Variants in ZNF518A observed in about 807,000 individuals in gnomAD.
The protein encoded by ZNF518A is zinc finger protein 518.
Under a neutral mutation model 102.7 loss-of-function variants are expected in ZNF518A, and 47 were observed. The ratio of observed to expected loss-of-function variants is 0.46; its 90% confidence interval spans 0.36 to 0.58. The LOEUF (loss-of-function observed/expected upper bound fraction) is 0.58, where lower values mean the gene tolerates loss of function less well. Among genes scored for constraint, ZNF518A ranks in the 20% least tolerant of loss-of-function variants. The pLI is 0.00. For missense variants in ZNF518A, 1,793 were observed against 1,699.8 expected (o/e 1.05, Z -0.96); for synonymous variants, 652 against 594.6 (o/e 1.10, Z -1.40).
downstream of ZNF518A, chr10:96,204,522 G>C: frequency 6.2e-7 from 1 of 1,613,484 alleles, no homozygotes; most frequent in Non-Finnish European, 8.5e-7. Flanking sequence ...TTAAAGGAAA[G>C]GATTCTTACT....
At chr10:96,168,309 A>G (rs2083154557), downstream of ZNF518A, among the ~76,000 whole-genome samples, 1 of 151,774 alleles carries the variant, frequency 6.6e-6, no homozygotes, top group Admixed American at 6.6e-5. Context: ...CTGCTCCTTT[A>G]TTTTATTTTT....
At chr10:96,186,611 T>C (rs1554892595) in intron 1 of ZNF518A, among the ~76,000 whole-genome samples, 1 of 152,214 alleles carries the variant, frequency 6.6e-6, no homozygotes, top group African/African-American at 2.4e-5. Context: ...TTGGCCAAGA[T>C]GGTCTTGATC....
chr10:96,144,731 T>A, intron 3 of ZNF518A, among the ~76,000 whole-genome samples: 1 of 152,112 alleles, frequency 6.6e-6, no homozygotes, highest in East Asian at 1.9e-4. Context: ...GTGAACTATT[T>A]CAGAGCAGAT....
At chr10:96,202,322 G>T (rs921182423) in intron 1 of ZNF518A, among the ~76,000 whole-genome samples, 1 of 152,160 alleles carries the variant, frequency 6.6e-6, no homozygotes. Context: ...ACAGCAGAGT[G>T]GGGGAGGCCA....
intron 1 of ZNF518A, among the ~76,000 whole-genome samples, chr10:96,175,974 G>C (rs1180561530): frequency 6.9e-6 from 1 of 145,086 alleles, no homozygotes. Flanking sequence ...TTTAGAGATA[G>C]GTCTTACTCT....
chr10:96,135,774 G>T (rs2081568348), intron 3 of ZNF518A, among the ~76,000 whole-genome samples: 1 of 152,188 alleles, frequency 6.6e-6, no homozygotes, highest in Non-Finnish European at 1.5e-5. Context: ...TCTTGGAAGT[G>T]CTTCTAGTTA....
intron 1 of ZNF518A, among the ~76,000 whole-genome samples, chr10:96,180,581 G>A (rs2133892060): frequency 6.6e-6 from 1 of 151,800 alleles, no homozygotes; most frequent in Admixed American, 6.6e-5. Context: ...ACCTATGAGT[G>A]AGAACATGCG....
intron 3 of ZNF518A, among the ~76,000 whole-genome samples, 175 bp downstream of exon 3, chr10:96,133,823 A>G (rs1463119305): frequency 6.6e-6 from 1 of 152,196 alleles, no homozygotes; most frequent in Non-Finnish European, 1.5e-5. Flanking sequence ...TTTTTTTACA[A>G]AGGCATGAAT....
At position 96,159,419 on chromosome 10, in the gene ZNF518A, A is replaced by T; in HGVS notation, c.3097A>T (p.Ser1033Cys). 1 of 1,613,812 alleles carries T rather than the reference A, an allele frequency of 6.2e-7. No individual in the cohort carries two copies. The highest frequency in any genetic ancestry group is 8.5e-7 in the Non-Finnish European group (1 of 1,179,798). Residue 1033 changes from serine to cysteine, a missense_variant, in exon 6 of 6, where the codon AGT becomes TGT. Transcript: ENST00000316045. ...ACCTGGACTTTGTTCCAGCATTGGC[A>T]GTTGTTTGAGCATGAAAAGTAGCTC... ...LTPGLCSSIGSCLSMKSSSEN... is the reference protein window; with the variant it reads ...LTPGLCSSIGCCLSMKSSSEN...
At chr10:96,198,842 G>A (rs925361959) in intron 1 of ZNF518A, among the ~76,000 whole-genome samples, 2 of 152,182 alleles carry the variant, frequency 1.3e-5, no homozygotes, top group Non-Finnish European at 2.9e-5. Context: ...GGGATTATAG[G>A]CGCCCGCCAT....
At chr10:96,197,291 T>G (rs2083491502) in intron 1 of ZNF518A, among the ~76,000 whole-genome samples, 1 of 152,062 alleles carries the variant, frequency 6.6e-6, no homozygotes, top group South Asian at 2.1e-4. Flanking sequence ...TTGCCTTTTT[T>G]GAAAAAAAGG....
At chr10:96,185,089 G>A (rs894741266) in intron 1 of ZNF518A, among the ~76,000 whole-genome samples, 6 of 151,862 alleles carry the variant, frequency 4.0e-5, no homozygotes, top group African/African-American at 7.3e-5. Context: ...TCCCTTGATC[G>A]AATCAGCTGC....
At chr10:96,143,528 A>G (rs994633831) in intron 3 of ZNF518A, among the ~76,000 whole-genome samples, 2 of 152,182 alleles carry the variant, frequency 1.3e-5, no homozygotes. Context: ...CACAAAACCT[A>G]CCTTTCTGTG....
At chr10:96,139,903 G>C (rs2081828191) in intron 3 of ZNF518A, among the ~76,000 whole-genome samples, 1 of 152,160 alleles carries the variant, frequency 6.6e-6, no homozygotes, top group Admixed American at 6.5e-5. Flanking sequence ...TTGTTGCCCA[G>C]GCTGGAGTGC....
chr10:96,167,131 C>A (rs1291930722), downstream of ZNF518A, among the ~76,000 whole-genome samples: 2 of 152,080 alleles, frequency 1.3e-5, no homozygotes, highest in Non-Finnish European at 2.9e-5. Context: ...TGAGGGATAC[C>A]AAATTTAGGA....
chr10:96,174,897 G>A (rs1318588327), intron 1 of ZNF518A, among the ~76,000 whole-genome samples: 2 of 152,138 alleles, frequency 1.3e-5, no homozygotes, highest in East Asian at 3.8e-4. Flanking sequence ...AGATACTTAA[G>A]TTTAGATGAG....
intron 3 of ZNF518A, among the ~76,000 whole-genome samples, chr10:96,149,277 C>T (rs970005926): frequency 3.3e-5 from 5 of 152,080 alleles, no homozygotes; most frequent in East Asian, 3.9e-4. Flanking sequence ...GCATTGCTGT[C>T]GCCTAGGAGC....
At chr10:96,131,719 A>G (rs2081347385) in intron 1 of ZNF518A, among the ~76,000 whole-genome samples, 1 of 152,228 alleles carries the variant, frequency 6.6e-6, no homozygotes, top group African/African-American at 2.4e-5. Flanking sequence ...ATGAACACCC[A>G]CTGTGTGCAT....
At chr10:96,197,612 TCAAA>T (rs1338062954) in intron 1 of ZNF518A, among the ~76,000 whole-genome samples, 1 of 152,130 alleles carries the variant, frequency 6.6e-6, no homozygotes, top group African/African-American at 2.4e-5. Flanking sequence ...AAAAAATGTA[TCAAA>T]CAAATTCCAT....
Sources: gnomAD v4.1 joint callset for allele counts (sites outside exome capture counted in the v4.1 genomes callset) on GRCh38, gnomAD v4.1.1 for gene constraint, MANE v1.5 for transcripts, NCBI Gene and HGNC (gene_info 2026-07-23, HGNC 2026-07-21) for gene names.